The following TANC2 variants were observed in gnomAD, a reference collection of about 807,000 sequenced individuals.
TANC2 encodes the protein tetratricopeptide repeat, ankyrin repeat and coiled-coil containing 2.
In TANC2, 26 loss-of-function variants were observed where a neutral mutation model predicts 210.5. That is an observed-to-expected ratio of 0.12 (90% CI 0.09 to 0.17). The LOEUF (loss-of-function observed/expected upper bound fraction) is 0.17. Ranked by LOEUF, TANC2 falls within the 10% of genes least tolerant of loss-of-function variation. TANC2 has a pLI of 1.00. For synonymous variants in TANC2, 931 were observed against 967.1 expected (o/e 0.96, Z 0.69); for missense variants, 2,129 against 2,608.9 (o/e 0.82, Z 4.01).
chr17:63,124,396 G>A (rs1255997182), intron 4 of TANC2, among the ~76,000 whole-genome samples: 2 of 152,160 alleles, frequency 1.3e-5, no homozygotes, highest in East Asian at 3.9e-4. Context: ...GCTTGGAACC[G>A]TTTGAGTGAC....
At chr17:63,353,385 G>A (rs145254870) in intron 13 of TANC2, among the ~76,000 whole-genome samples, 283 of 152,220 alleles carry the variant, frequency 1.9e-3, no homozygotes, top group Middle Eastern at 6.8e-3. Flanking sequence ...AGAATTTGGT[G>A]GTAGAGTCAG....
chr17:63,131,096 G>C (rs1043407659), intron 4 of TANC2: 1 of 152,156 alleles, frequency 6.6e-6, no homozygotes, highest in African/African-American at 2.4e-5. Context: ...GGCTTTTCAA[G>C]AATTGTGTCT....
chr17:62,979,246 C>G (rs1490372632), intron 1 of TANC2, among the ~76,000 whole-genome samples: 1 of 152,134 alleles, frequency 6.6e-6, no homozygotes, highest in African/African-American at 2.4e-5. Context: ...ATGAGAAACC[C>G]AATGCTGCCA....
rs139287489 is a variant in TANC2 at position 63,408,582 on chromosome 17, T to C, written c.3589+2305T>C. Among the ~76,000 whole-genome samples, 350 of 152,368 alleles carry C rather than the reference T, an allele frequency of 2.3e-3. 1 individual carries two copies. The highest frequency in any genetic ancestry group is 4.2e-3 in the Non-Finnish European group (289 of 68,032). On this transcript the variant is annotated intron_variant, in intron 21 of 27. Coordinates refer to ENST00000689528, the Ensembl canonical transcript of TANC2. Reference sequence around the variant, plus strand: ...GGATTCTGTTCCGTATTTAAACTTATTCCATATTAGAGTCAGTGTTTTAAT... The same window carrying C: ...GGATTCTGTTCCGTATTTAAACTTACTCCATATTAGAGTCAGTGTTTTAAT...
chr17:63,132,740 T>G (rs776222924), intron 4 of TANC2, among the ~76,000 whole-genome samples: 2 of 152,208 alleles, frequency 1.3e-5, no homozygotes, highest in Non-Finnish European at 2.9e-5. Flanking sequence ...AGAAATATGA[T>G]TCTTTACTCA....
At chr17:63,398,305 A>G (rs1156238091) in intron 18 of TANC2, among the ~76,000 whole-genome samples, 2 of 152,040 alleles carry the variant, frequency 1.3e-5, no homozygotes, top group Non-Finnish European at 2.9e-5. Flanking sequence ...AAACTTTTTT[A>G]ATTAGCCAGG....
intron 4 of TANC2, among the ~76,000 whole-genome samples, chr17:63,101,534 A>T (rs1307982548): frequency 6.6e-6 from 1 of 152,188 alleles, no homozygotes; most frequent in South Asian, 2.1e-4. Context: ...ATTATTCTTC[A>T]GTGCTTTTTA....
intron 1 of TANC2, among the ~76,000 whole-genome samples, chr17:63,000,968 C>CA (rs3060700): frequency 0.017 from 2,094 of 121,934 alleles, 31 homozygotes; most frequent in East Asian, 0.11. Flanking sequence ...TTAGAACTAG[C>CA]AAAAAAAAAA....
At chr17:63,177,219 T>C (rs1358883070) in intron 5 of TANC2, among the ~76,000 whole-genome samples, 1 of 144,154 alleles carries the variant, frequency 6.9e-6, no homozygotes, top group Non-Finnish European at 1.5e-5. Context: ...GAGCCATGAC[T>C]GTGCCATTGT....
intron 2 of TANC2, among the ~76,000 whole-genome samples, chr17:63,011,995 C>T (rs1167640738): frequency 6.8e-6 from 1 of 148,038 alleles, no homozygotes; most frequent in South Asian, 2.2e-4. Context: ...TCCTCTCTTC[C>T]TTTCTTTTGT....
chr17:63,066,841 A>G (rs2036217486), intron 2 of TANC2, among the ~76,000 whole-genome samples: 1 of 152,022 alleles, frequency 6.6e-6, no homozygotes, highest in African/African-American at 2.4e-5. Context: ...TAGGTTTGTC[A>G]GGGTACCAAA....
At chr17:63,105,481 A>G (rs1412866097) in intron 4 of TANC2, among the ~76,000 whole-genome samples, 1 of 151,732 alleles carries the variant, frequency 6.6e-6, no homozygotes, top group Non-Finnish European at 1.5e-5. Flanking sequence ...TATATTCATG[A>G]TATGTTCTTT....
rs1195938676 is a variant in TANC2, at chr17:63,395,788, G to A, written c.3097G>A (p.Ala1033Thr). Residue 1033 changes from alanine (A) to threonine (T), a missense_variant, in exon 18 of 28, where the codon GCA becomes ACA. Around this residue, in one of 5 missense-constraint regions of TANC2, gnomAD observed 644 missense variants for 937.5 expected, o/e 0.69. Transcript: ENST00000689528. ...CGGGCAGTGTGCTTTGGTTCATGCT[G>A]CACTCCGAGGTCATCTGGAGGTTGT... The A allele has an allele frequency of 1.9e-6, 3 of 1,613,624 alleles. No individual in the cohort carries two copies. The East Asian group carries it at 6.7e-5, about 36-fold the overall frequency.
At chr17:63,424,473 G>GTAC (rs2049098843) in exon 28 of TANC2, 2 of 152,266 alleles carry the variant, frequency 1.3e-5, no homozygotes, top group Non-Finnish European at 2.9e-5. Context: ...AATGATCCGA[G>GTAC]TACTGTATTT....
chr17:63,127,261 C>G (rs2038745928), intron 4 of TANC2, among the ~76,000 whole-genome samples: 2 of 152,100 alleles, frequency 1.3e-5, no homozygotes, highest in Admixed American at 1.3e-4. Flanking sequence ...AATGTCTAGT[C>G]TAGTTTATAC....
chr17:63,340,109 C>T, exon 12 of TANC2: 1 of 1,613,482 alleles, frequency 6.2e-7, no homozygotes, highest in South Asian at 1.1e-5. Flanking sequence ...AGGTGGTTGC[C>T]TATCACTATT....
intron 9 of TANC2, among the ~76,000 whole-genome samples, chr17:63,301,145 G>A (rs972144164): frequency 1.7e-4 from 26 of 152,218 alleles, no homozygotes; most frequent in African/African-American, 5.8e-4. Flanking sequence ...ATTGTGGTGG[G>A]TAAGCTTTTT....
chr17:63,177,334 G>A (rs1205374739), intron 5 of TANC2, among the ~76,000 whole-genome samples: 1 of 149,370 alleles, frequency 6.7e-6, no homozygotes, highest in African/African-American at 2.5e-5. Flanking sequence ...TTTATTATTT[G>A]CCAATTATAG....
intron 4 of TANC2, among the ~76,000 whole-genome samples, chr17:63,104,783 T>A (rs145782816): frequency 6.8e-6 from 1 of 148,090 alleles, no homozygotes; most frequent in Non-Finnish European, 1.5e-5. Flanking sequence ...GTAAGTCTTA[T>A]CTTGTATAAA....
Sources: allele counts gnomAD v4.1 joint callset (sites outside exome capture counted in the v4.1 genomes callset), GRCh38; gene constraint gnomAD v4.1.1; regional missense constraint gnomAD v4.1.1; transcripts MANE v1.5; gene names NCBI Gene and HGNC (gene_info 2026-07-23, HGNC 2026-07-21).